Variants in ZNF407 observed in about 807,000 individuals in gnomAD.
ZNF407 encodes zinc finger protein 407.
ZNF407 carries 17 observed loss-of-function variants against 131.2 expected under a neutral mutation model. That is an observed-to-expected ratio of 0.13 (90% confidence interval 0.09 to 0.19). The LOEUF is 0.19. ZNF407 is among the 10% of genes least tolerant of loss of function. ZNF407 has a pLI of 1.00. For synonymous variants in ZNF407, 1,156 were observed against 1,062.0 expected (o/e 1.09, Z -1.72); for missense variants, 2,681 against 2,830.6 (o/e 0.95, Z 1.20).
At chr18:74,762,993 G>A (rs1349046691) in intron 3 of ZNF407, among the ~76,000 whole-genome samples, 1 of 151,998 alleles carries the variant, frequency 6.6e-6, no homozygotes, top group East Asian at 1.9e-4. Context: ...TAGGATAGCT[G>A]TATGTTTAAG....
intron 7 of ZNF407, among the ~76,000 whole-genome samples, chr18:74,913,872 T>G (rs1971708807): frequency 6.6e-6 from 1 of 152,120 alleles, no homozygotes; most frequent in Non-Finnish European, 1.5e-5. Flanking sequence ...ACTTGTGGTG[T>G]TCTGTTTATT....
At chr18:74,979,572 G>A (rs762308061) in intron 8 of ZNF407, among the ~76,000 whole-genome samples, 3 of 152,160 alleles carry the variant, frequency 2.0e-5, no homozygotes, top group South Asian at 4.2e-4. Context: ...GATTACAGGC[G>A]TGAGCCACCG....
intron 8 of ZNF407, among the ~76,000 whole-genome samples, chr18:75,044,090 A>G (rs938763822): frequency 6.6e-6 from 1 of 152,136 alleles, no homozygotes; most frequent in Non-Finnish European, 1.5e-5. Context: ...CACGATATCA[A>G]ACACCACTGA....
chr18:75,038,591 G>A (rs1973337265), intron 8 of ZNF407, among the ~76,000 whole-genome samples: 1 of 152,170 alleles, frequency 6.6e-6, no homozygotes, highest in South Asian at 2.1e-4. Context: ...AGGTGATACT[G>A]TGTAAAGGAA....
intron 8 of ZNF407, among the ~76,000 whole-genome samples, chr18:75,002,193 G>A (rs1236769214): frequency 6.6e-6 from 1 of 152,212 alleles, no homozygotes; most frequent in Non-Finnish European, 1.5e-5. Context: ...TTGCTGATAT[G>A]GGATATTTTG....
rs567511935 is a variant in ZNF407, at chr18:75,036,404, G to T, written c.5429-26746G>T. ...CCCTCATTGGATGTCTCACAGGAGAGAATTCATACCATTTGTTGTGAAACA... is the reference window on the plus strand; with the variant it reads ...CCCTCATTGGATGTCTCACAGGAGATAATTCATACCATTTGTTGTGAAACA... On this transcript the variant is annotated intron_variant, in intron 8 of 8. Transcript: ENST00000299687. 2.0e-5 allele frequency among the ~76,000 whole-genome samples: 3 copies of T among 152,242 alleles called. No individual in the cohort carries two copies. The South Asian group carries it at 6.2e-4, about 32-fold the overall frequency.
intron 3 of ZNF407, among the ~76,000 whole-genome samples, chr18:74,711,460 C>T (rs1005242659): frequency 2.6e-5 from 4 of 152,206 alleles, no homozygotes; most frequent in Middle Eastern, 3.4e-3. Flanking sequence ...GACTTGATTC[C>T]GCATAGCTGG....
chr18:74,783,525 T>C lies in ZNF407; in HGVS notation c.4877+2023T>C, dbSNP rs539593326. Among the ~76,000 whole-genome samples the C allele has an allele frequency of 1.2e-4, 19 of 152,200 alleles. 1 individual carries two copies. The highest frequency in any genetic ancestry group is 9.8e-4 in the Admixed American group (15 of 15,282). ...AAAATGCTAGAAATCCTCTATATAT[T>C]ACGAATTTGAGAATCAAAAATTTAC... On this transcript the variant is annotated intron_variant, in intron 4 of 8. Coordinates refer to ENST00000299687, the MANE Select transcript of ZNF407 (RefSeq NM_017757.3).
chr18:74,660,978 C>T (rs944230462), intron 3 of ZNF407, among the ~76,000 whole-genome samples: 2 of 152,114 alleles, frequency 1.3e-5, no homozygotes, highest in African/African-American at 4.8e-5. Context: ...GTCTCACCAC[C>T]TCATGCTATT....
intron 3 of ZNF407, among the ~76,000 whole-genome samples, chr18:74,662,408 T>G (rs1419440023): frequency 6.6e-6 from 1 of 152,172 alleles, no homozygotes; most frequent in East Asian, 1.9e-4. Flanking sequence ...TTATATAAAA[T>G]GGATGTTGGA....
At chr18:74,813,590 T>C (rs1166664907) in intron 4 of ZNF407, among the ~76,000 whole-genome samples, 1 of 152,124 alleles carries the variant, frequency 6.6e-6, no homozygotes, top group Non-Finnish European at 1.5e-5. Context: ...TTCTGCTCAT[T>C]TTCTCTTACC....
intron 8 of ZNF407, among the ~76,000 whole-genome samples, chr18:74,994,818 T>G (rs142403489): frequency 1.1e-3 from 160 of 152,164 alleles, no homozygotes; most frequent in African/African-American, 3.7e-3. Flanking sequence ...CACAGCACAG[T>G]GTGGACAGAA....
intron 1 of ZNF407, among the ~76,000 whole-genome samples, chr18:74,625,615 T>C (rs541157560): frequency 6.6e-6 from 1 of 152,330 alleles, no homozygotes; most frequent in Admixed American, 6.5e-5. Flanking sequence ...TATATAGATA[T>C]AGACATATAC....
chr18:74,701,498 A>T (rs550173727), intron 3 of ZNF407, among the ~76,000 whole-genome samples: 15 of 152,218 alleles, frequency 9.9e-5, no homozygotes, highest in Non-Finnish European at 1.9e-4. Flanking sequence ...ATAGACAGAC[A>T]GGCACAAGTC....
chr18:74,795,011 A>G (rs1969893747), intron 4 of ZNF407, among the ~76,000 whole-genome samples: 1 of 152,116 alleles, frequency 6.6e-6, no homozygotes, highest in Non-Finnish European at 1.5e-5. Context: ...TCAGCTTATT[A>G]CTGTCAAACT....
At chr18:75,035,048 TG>T (rs1334238128) in intron 8 of ZNF407, among the ~76,000 whole-genome samples, 2 of 152,242 alleles carry the variant, frequency 1.3e-5, no homozygotes, top group East Asian at 3.9e-4. Context: ...TGTAGCTGCT[TG>T]GACATTTCAT....
chr18:74,838,886 C>CT (rs947181868), intron 4 of ZNF407, among the ~76,000 whole-genome samples: 2 of 151,998 alleles, frequency 1.3e-5, no homozygotes, highest in African/African-American at 2.4e-5. Flanking sequence ...CATCAATCAT[C>CT]TTTTTTTCAC....
At chr18:75,028,901 C>T (rs1332782462) in intron 8 of ZNF407, among the ~76,000 whole-genome samples, 1 of 152,204 alleles carries the variant, frequency 6.6e-6, no homozygotes, top group Non-Finnish European at 1.5e-5. Context: ...ACGTGATGCA[C>T]CCATCTCTTA....
chr18:74,754,075 G>A (rs1968871376), intron 3 of ZNF407, among the ~76,000 whole-genome samples: 1 of 152,176 alleles, frequency 6.6e-6, no homozygotes, highest in South Asian at 2.1e-4. Flanking sequence ...TTAGTCTTGG[G>A]AGAGTGTATG....
Sources: gnomAD v4.1 joint callset for allele counts (sites outside exome capture counted in the v4.1 genomes callset) on GRCh38, gnomAD v4.1.1 for gene constraint, MANE v1.5 for transcripts, NCBI Gene and HGNC (gene_info 2026-07-23, HGNC 2026-07-21) for gene names.